OGDH: variants seen among roughly 807,000 people sequenced by gnomAD.
The protein encoded by OGDH is oxoglutarate dehydrogenase.
OGDH carries 38 observed loss-of-function variants against 116.6 expected under a neutral mutation model. The ratio of observed to expected loss-of-function variants is 0.33; its 90% CI spans 0.25 to 0.43. OGDH has a LOEUF of 0.43. Among genes scored for constraint, OGDH ranks in the 20% least tolerant of loss-of-function variants. The pLI is 1.00. For synonymous variants in OGDH, 488 were observed against 533.3 expected, an observed-to-expected ratio of 0.92 and a Z score of 1.17; for missense variants, 825 against 1,357.2, an observed-to-expected ratio of 0.61 and a Z score of 6.16.
chr7:44,657,183 A>G (rs991486557), intron 4 of OGDH, among the ~76,000 whole-genome samples: 9 of 152,206 alleles, frequency 5.9e-5, no homozygotes, highest in Non-Finnish European at 1.0e-4. Context: ...TTGATAAAGT[A>G]AGACTCTAGA....
rs1789111468 is a variant in OGDH at position 44,707,081 on chromosome 7, C to T, written c.2633-144C>T. On this transcript the variant is annotated intron_variant, in intron 20 of 22. Coordinates refer to ENST00000222673, the MANE Select transcript of OGDH (RefSeq NM_002541.4). The surrounding 1 kb of genome is among the most constrained non-coding windows in gnomAD (Gnocchi z 5.2). ...GTGCCTGGTCTGAGCAAATACAGGG[C>T]ATCAGAGGCTGGTGAAGGGGAAGCA... The T allele has an allele frequency of 1.3e-6, 1 of 760,202 alleles. No individual in the cohort carries two copies. Among genetic ancestry groups the T allele is most frequent in the African/African-American group, 1.8e-5 (1 of 56,920 alleles). The allele number at this position is 760,202 out of a possible 1,614,324, so 47.1% of individuals were successfully genotyped here. A position where few individuals can be genotyped will look rare whatever the true frequency, so the allele number is the denominator to read the frequency against.
intron 10 of OGDH, among the ~76,000 whole-genome samples, chr7:44,684,740 A>G (rs1293634048): frequency 1.3e-5 from 2 of 152,018 alleles, no homozygotes; most frequent in Admixed American, 1.3e-4. Context: ...CCCTGTACCA[A>G]GGGAACAGAG....
intron 5 of OGDH, among the ~76,000 whole-genome samples, chr7:44,670,735 G>T (rs1585328984): frequency 6.6e-6 from 1 of 152,268 alleles, no homozygotes; most frequent in East Asian, 1.9e-4. Context: ...GTGGGGCTGG[G>T]CGTGGTGGCT....
At chr7:44,610,696 C>T (rs1441946497) in intron 1 of OGDH, among the ~76,000 whole-genome samples, 1 of 151,948 alleles carries the variant, frequency 6.6e-6, no homozygotes, top group Non-Finnish European at 1.5e-5. Flanking sequence ...TCACTGCAAC[C>T]TCCACCTCCC....
intron 3 of OGDH, 111 bp from the exon 4 acceptor site, chr7:44,647,546 G>T (rs1226707718): frequency 1.3e-6 from 2 of 1,545,146 alleles, no homozygotes; most frequent in Non-Finnish European, 1.8e-6. Flanking sequence ...TGAGAATTAA[G>T]CTGTAAATGC....
At chr7:44,698,332 A>G in intron 18 of OGDH, 69 bp downstream of exon 18, 5 of 1,493,866 alleles carry the variant, frequency 3.3e-6, no homozygotes, top group East Asian at 2.3e-5. Flanking sequence ...GGGAAGAGCA[A>G]TCTATCTGGT....
chr7:44,693,430 G>A (rs575129158), intron 10 of OGDH, among the ~76,000 whole-genome samples: 11 of 152,066 alleles, frequency 7.2e-5, no homozygotes, highest in Admixed American at 5.2e-4. Flanking sequence ...AACATGGTGA[G>A]ACCCTATCTC....
At chr7:44,633,904 T>C (rs1296840612) in intron 2 of OGDH, among the ~76,000 whole-genome samples, 1 of 152,134 alleles carries the variant, frequency 6.6e-6, no homozygotes, top group East Asian at 1.9e-4. Context: ...TTTCCTGAGG[T>C]GTGTCAGAAA....
chr7:44,700,339 CAGAG>C (rs1788772848), intron 19 of OGDH, 70 bp downstream of exon 19: 3 of 1,582,340 alleles, frequency 1.9e-6, no homozygotes, highest in Non-Finnish European at 2.6e-6. Context: ...AAGGGCTCCT[CAGAG>C]AGCCTCTTGC....
intron 4 of OGDH, among the ~76,000 whole-genome samples, chr7:44,651,919 C>G (rs1786464731): frequency 6.6e-6 from 1 of 151,716 alleles, no homozygotes; most frequent in African/African-American, 2.4e-5. Flanking sequence ...CCAGGCTGTT[C>G]TCAAACTCCT....
chr7:44,629,013 A>G (rs913676178), intron 2 of OGDH, among the ~76,000 whole-genome samples: 5 of 152,056 alleles, frequency 3.3e-5, no homozygotes, highest in African/African-American at 1.2e-4. Flanking sequence ...ACCCCTCTTA[A>G]GAGCCTTCAG....
At chr7:44,615,288 G>A (rs1784727017) in intron 1 of OGDH, among the ~76,000 whole-genome samples, 1 of 152,182 alleles carries the variant, frequency 6.6e-6, no homozygotes. Flanking sequence ...TGTTGCTGGT[G>A]CGGTGTCTGG....
chr7:44,707,720 C>T lies in OGDH; in HGVS notation c.2935C>T (p.Arg979Cys), dbSNP rs766072599. 11 of 1,614,128 alleles carry T rather than the reference C, an allele frequency of 6.8e-6. No individual in the cohort carries two copies. The highest frequency in any genetic ancestry group is 1.3e-5 in the African/African-American group (1 of 75,044). Residue 979 changes from arginine (R) to cysteine (C), a missense_variant, in exon 22 of 23, where the codon CGC becomes TGC. Arg to Cys is a radical substitution (Grantham distance 180). This residue lies in a region of OGDH where 212 missense variants were observed against 284.3 expected (regional missense o/e 0.75). Transcript: ENST00000222673. The surrounding 1 kb of genome is among the most constrained non-coding windows in gnomAD (Gnocchi z 5.2). ...GCCAAGACTTCGGACCACCATCAGC[C>T]GCGCCAAGCCCGTCTGGTAAGGCTT... ...VKPRLRTTIS[R>C]AKPVWYAGRD...
intron 1 of OGDH, among the ~76,000 whole-genome samples, chr7:44,621,871 A>C (rs969248587): frequency 6.9e-5 from 5 of 72,724 alleles, no homozygotes; most frequent in Non-Finnish European, 1.7e-4. Flanking sequence ...ACTCCGTATC[A>C]AAAAAAAAAA....
At chr7:44,623,779 G>C (rs889636864) in intron 1 of OGDH, among the ~76,000 whole-genome samples, 6 of 152,112 alleles carry the variant, frequency 3.9e-5, no homozygotes, top group African/African-American at 1.4e-4. Context: ...CCAAGTATCT[G>C]GGTCTACAGG....
At position 44,698,840 on chromosome 7, in the gene OGDH, T is replaced by TAA. The variant is rs750560729; in HGVS notation, c.2430+593_2430+594dup. Reference sequence around the variant, plus strand: ...TGGGTGACAGAGCAATACCCTGTCTTAAAAAAAAAAAAAAAAAGAACTGTG... The same window carrying TAA: ...TGGGTGACAGAGCAATACCCTGTCTTAAAAAAAAAAAAAAAAAAAGAACTGTG... On this transcript the variant is annotated intron_variant, in intron 18 of 22. Coordinates refer to ENST00000222673, the MANE Select transcript of OGDH (RefSeq NM_002541.4). Among the ~76,000 whole-genome samples the TAA allele has an allele frequency of 3.6e-3, 466 of 127,714 alleles. 4 individuals carry two copies. The highest frequency in any genetic ancestry group is 0.012 in the African/African-American group (406 of 34,344). The allele number at this position is 127,714 out of a possible 152,430, so 83.8% of individuals were successfully genotyped here. A position where few individuals can be genotyped will look rare whatever the true frequency, so the allele number is the denominator to read the frequency against.
intron 9 of OGDH, among the ~76,000 whole-genome samples, chr7:44,679,226 G>A (rs1787823284): frequency 6.6e-6 from 1 of 152,222 alleles, no homozygotes; most frequent in Admixed American, 6.5e-5. Flanking sequence ...AGACTGGACA[G>A]AAAAGTATCT....
Position 44,694,189 on chromosome 7 carries a change from G to C in OGDH, c.1515+185G>C, listed in dbSNP as rs914812371. Among the ~76,000 whole-genome samples, 1 of 152,172 alleles carries C rather than the reference G, an allele frequency of 6.6e-6. No homozygotes were observed. The highest frequency in any genetic ancestry group is 1.5e-5 in the Non-Finnish European group (1 of 68,026). Reference sequence around the variant, plus strand: ...TTCAGGCCTGTAAGCACCAAGGAATGCTTCCCAGGCAGGAGCTGTGGTGGT... The same window carrying C: ...TTCAGGCCTGTAAGCACCAAGGAATCCTTCCCAGGCAGGAGCTGTGGTGGT... On this transcript the variant is annotated intron_variant, in intron 11 of 22. Coordinates refer to ENST00000222673, the MANE Select transcript of OGDH (RefSeq NM_002541.4). The surrounding 1 kb of genome is among the most constrained non-coding windows in gnomAD (Gnocchi z 4.2).
rs1785125679 is a variant in OGDH, at chr7:44,624,459, G to A, written c.116G>A (p.Cys39Tyr). ...AAARTFQQIR[C>Y]YSAPVAAEPF... ...GCTAGGACATTTCAACAGATTCGGTGCTATTCTGCACCTGTTGCTGCTGAG... is the reference window on the plus strand; with the variant it reads ...GCTAGGACATTTCAACAGATTCGGTACTATTCTGCACCTGTTGCTGCTGAG... The change falls in exon 2 of 23, where the codon TGC becomes TAC. Residue 39 changes from cysteine to tyrosine, a missense_variant. Physicochemically the swap from Cys to Tyr is radical, Grantham distance 194 (BLOSUM62 -2). Coordinates refer to ENST00000222673, the MANE Select transcript of OGDH (RefSeq NM_002541.4). 2.5e-6 allele frequency: 4 copies of A among 1,613,536 alleles called. No homozygotes were observed. The South Asian group carries it at 4.4e-5, about 18-fold the overall frequency.
Sources: allele counts gnomAD v4.1 joint callset (sites outside exome capture counted in the v4.1 genomes callset), GRCh38; gene constraint gnomAD v4.1.1; regional missense constraint gnomAD v4.1.1; non-coding constraint Gnocchi (gnomAD v3.1); transcripts MANE v1.5; gene names NCBI Gene and HGNC (gene_info 2026-07-23, HGNC 2026-07-21).